Variants in DLG2 observed in about 807,000 individuals in gnomAD.
The protein encoded by DLG2 is discs large MAGUK scaffold protein 2.
Under a neutral mutation model 132.5 loss-of-function variants are expected in DLG2, and 45 were observed. The observed-to-expected ratio is 0.34, with a 90% CI of 0.27 to 0.44. DLG2 has a LOEUF of 0.44. Ranked by LOEUF, DLG2 falls within the 20% of genes least tolerant of loss-of-function variation. DLG2 has a pLI of 1.00. For missense variants in DLG2, 1,045 were observed against 1,196.9 expected, an observed-to-expected ratio of 0.87 and a Z score of 1.87; for synonymous variants, 424 against 419.6, an observed-to-expected ratio of 1.01 and a Z score of -0.13.
intron 7 of DLG2, among the ~76,000 whole-genome samples, chr11:84,308,073 G>A (rs1398917583): frequency 6.6e-6 from 1 of 152,156 alleles, no homozygotes; most frequent in Non-Finnish European, 1.5e-5. Context: ...CGCAGAAGTA[G>A]ACCCCAGCAG....
At chr11:85,480,013 C>T (rs1467289709) in intron 3 of DLG2, among the ~76,000 whole-genome samples, 6 of 152,104 alleles carry the variant, frequency 3.9e-5, no homozygotes, top group Non-Finnish European at 7.3e-5. Context: ...TTCTGAGGTA[C>T]TAGGGGTAGG....
chr11:84,641,963 G>T (rs2099667055), intron 6 of DLG2, among the ~76,000 whole-genome samples: 1 of 148,986 alleles, frequency 6.7e-6, no homozygotes, highest in Non-Finnish European at 1.5e-5. Context: ...ACGTATATAT[G>T]TATATATATG....
chr11:85,248,119 A>G (rs2076226391), intron 4 of DLG2, among the ~76,000 whole-genome samples: 1 of 152,094 alleles, frequency 6.6e-6, no homozygotes, highest in Admixed American at 6.6e-5. Context: ...TTTTGCTTTC[A>G]AAGTACTTTC....
chr11:83,954,871 A>AT (rs2086427660), intron 14 of DLG2, among the ~76,000 whole-genome samples: 1 of 152,224 alleles, frequency 6.6e-6, no homozygotes, highest in Admixed American at 6.5e-5. Flanking sequence ...AAAAATTAAG[A>AT]TTCTCAATAA....
chr11:85,085,446 T>C (rs960829224), intron 6 of DLG2, among the ~76,000 whole-genome samples: 2 of 152,152 alleles, frequency 1.3e-5, no homozygotes, highest in Non-Finnish European at 2.9e-5. Flanking sequence ...TTGCCTATAA[T>C]TGTTCATTAT....
chr11:84,989,075 T>C (rs1292633023), intron 6 of DLG2, among the ~76,000 whole-genome samples: 1 of 151,958 alleles, frequency 6.6e-6, no homozygotes, highest in Admixed American at 6.6e-5. Flanking sequence ...GACACAAAAA[T>C]TAAAAATACA....
intron 6 of DLG2, among the ~76,000 whole-genome samples, chr11:84,947,549 T>A (rs1158456306): frequency 6.6e-6 from 1 of 152,196 alleles, no homozygotes; most frequent in Admixed American, 6.5e-5. Context: ...ACTAGAAGCC[T>A]TCCCCCACCA....
Position 84,169,716 on chromosome 11 carries a change from T to C in DLG2, c.574-6205A>G, listed in dbSNP as rs1389607705. ...GATAAAACCCCATCTCTACTAAAAA[T>C]ACAAAAACTAGCTGGGCATCATGGC... On this transcript the variant is annotated intron_variant, in intron 8 of 27. Transcript: ENST00000376104. 5.3e-5 allele frequency among the ~76,000 whole-genome samples: 8 copies of C among 151,870 alleles called. No individual in the cohort carries two copies. In the East Asian group the frequency reaches 1.4e-3, roughly 26 times the overall value.
intron 7 of DLG2, among the ~76,000 whole-genome samples, chr11:84,415,857 G>T (rs2098927864): frequency 6.6e-6 from 1 of 152,160 alleles, no homozygotes; most frequent in African/African-American, 2.4e-5. Flanking sequence ...CTTCATATAT[G>T]CATTGAGAGG....
At chr11:84,506,317 C>T (rs1326303297) in intron 7 of DLG2, among the ~76,000 whole-genome samples, 1 of 151,908 alleles carries the variant, frequency 6.6e-6, no homozygotes, top group African/African-American at 2.4e-5. Context: ...CCTCGTGATC[C>T]GCCCGCCTCG....
intron 14 of DLG2, among the ~76,000 whole-genome samples, chr11:83,938,583 C>T (rs1321788881): frequency 6.6e-6 from 1 of 152,168 alleles, no homozygotes; most frequent in Non-Finnish European, 1.5e-5. Flanking sequence ...GTTCTTCCTA[C>T]TAGTTGGAAT....
At chr11:84,039,366 C>T (rs940747394) in intron 11 of DLG2, among the ~76,000 whole-genome samples, 5 of 125,076 alleles carry the variant, frequency 4.0e-5, no homozygotes, top group Non-Finnish European at 8.2e-5. Context: ...CTATCCCTCC[C>T]CCCGCCCCCC....
intron 6 of DLG2, among the ~76,000 whole-genome samples, chr11:84,665,715 G>A (rs1473279986): frequency 6.6e-6 from 1 of 152,054 alleles, no homozygotes; most frequent in African/African-American, 2.4e-5. Context: ...TGTTGTGCTT[G>A]TCTTCCTTTC....
chr11:85,175,851 T>C (rs1197410187), intron 4 of DLG2, among the ~76,000 whole-genome samples: 2 of 152,000 alleles, frequency 1.3e-5, no homozygotes, highest in African/African-American at 4.8e-5. Flanking sequence ...CATGAATGAA[T>C]TCCCATTCAC....
rs149295098 is a variant in DLG2 at position 83,945,981 on chromosome 11, TTCTC to T, written c.1341-15502_1341-15499del. 1.4e-3 allele frequency among the ~76,000 whole-genome samples: 194 copies of T among 137,488 alleles called. 2 individuals are homozygous for T. Among genetic ancestry groups the T allele is most frequent in the South Asian group, 8.2e-3 (35 of 4,256 alleles). 90.2% of individuals were successfully genotyped at this position (137,488 alleles called of 152,430 possible). ...TCCTTCCTTCCTTTTCTCTTTCTCT[TTCTC>T]TCTCTCTCTTTTTTTTTTTTTTTTG... is the stretch of plus-strand genomic sequence containing the variant. On this transcript the variant is annotated intron_variant, in intron 14 of 27. Coordinates refer to ENST00000376104, the MANE Select transcript of DLG2 (RefSeq NM_001142699.3).
chr11:84,902,600 T>A (rs183522085), intron 6 of DLG2, among the ~76,000 whole-genome samples: 50 of 152,296 alleles, frequency 3.3e-4, no homozygotes, highest in African/African-American at 1.2e-3. Context: ...ACAGTTGCCC[T>A]GGGAAATGTT....
intron 7 of DLG2, among the ~76,000 whole-genome samples, chr11:84,313,687 A>AAGAAAGAAAGAAAGAG (rs760229361): frequency 5.7e-5 from 8 of 141,384 alleles, no homozygotes; most frequent in African/African-American, 1.6e-4. Context: ...GAAAGAAAGA[A>AAGAAAGAAAGAAAGAG]AAAGAAAGAG....
At chr11:85,168,566 A>C (rs544927391) in intron 4 of DLG2, among the ~76,000 whole-genome samples, 1 of 152,296 alleles carries the variant, frequency 6.6e-6, no homozygotes, top group African/African-American at 2.4e-5. Flanking sequence ...ATAGGGAATC[A>C]AAGAAGGGTT....
At chr11:83,877,042 A>G (rs1313207982) in intron 15 of DLG2, among the ~76,000 whole-genome samples, 1 of 152,100 alleles carries the variant, frequency 6.6e-6, no homozygotes, top group East Asian at 1.9e-4. Flanking sequence ...AATTTTCTTC[A>G]GATGCGTTTC....
Sources: gnomAD v4.1 joint callset for allele counts (sites outside exome capture counted in the v4.1 genomes callset) on GRCh38, gnomAD v4.1.1 for gene constraint, MANE v1.5 for transcripts, NCBI Gene and HGNC (gene_info 2026-07-23, HGNC 2026-07-21) for gene names.